Variants in FOSB observed in about 807,000 individuals in gnomAD.
The protein encoded by FOSB is FosB proto-oncogene, AP-1 transcription factor subunit.
Under a neutral mutation model 31.1 loss-of-function variants are expected in FOSB, and 8 were observed. The ratio of observed to expected loss-of-function variants is 0.26; its 90% CI spans 0.15 to 0.46. The LOEUF is 0.46. Ranked by LOEUF, FOSB falls within the 20% of genes least tolerant of loss-of-function variation. FOSB has a pLI of 0.99. For synonymous variants in FOSB, 214 were observed against 206.1 expected, an observed-to-expected ratio of 1.04 and a Z score of -0.33; for missense variants, 376 against 460.6, an observed-to-expected ratio of 0.82 and a Z score of 1.68.
At position 45,470,644 on chromosome 19, in the gene FOSB, G is replaced by A. The variant is rs749291738; in HGVS notation, c.142G>A (p.Gly48Arg). The change falls in exon 2 of 4, where the codon GGG (glycine) becomes AGG (arginine). Residue 48 changes from glycine (G) to arginine (R), a missense_variant. Around this residue, in one of 3 missense-constraint regions of FOSB, gnomAD observed 193 missense variants for 207.1 expected, o/e 0.93. Coordinates refer to ENST00000353609, the MANE Select transcript of FOSB (RefSeq NM_006732.3). ...CACCCCGTAGGAGTGCGCCGGTCTC[G>A]GGGAAATGCCCGGTTCCTTCGTGCC... ...AAASQECAGL[G>R]EMPGSFVPTV... The A allele has an allele frequency of 5.7e-5, 92 of 1,608,818 alleles. No individual in the cohort carries two copies. The highest frequency in any genetic ancestry group is 6.5e-5 in the Non-Finnish European group (76 of 1,177,832).
At position 45,472,892 on chromosome 19, in the gene FOSB, G is replaced by A; in HGVS notation, c.897G>A (p.Ser299=). The change falls in exon 4 of 4, where the codon TCG becomes TCA. Residue 299 remains serine, a synonymous_variant. Transcript: ENST00000353609. This position sits in a 1 kb window ranked among gnomAD's most constrained non-coding sequence, Gnocchi z 5.4. Reference sequence around the variant, plus strand: ...ACCCCTTCCCCGTTGTTAACCCTTCGTACACTTCTTCGTTTGTCCTCACCT... The same window carrying A: ...ACCCCTTCCCCGTTGTTAACCCTTCATACACTTCTTCGTTTGTCCTCACCT... ...LGDPFPVVNP[S]YTSSFVLTCP... is the part of the protein sequence containing the mutation. The A allele has an allele frequency of 6.2e-7, 1 of 1,614,118 alleles. No individual in the cohort carries two copies. Among genetic ancestry groups the A allele is most frequent in the Non-Finnish European group, 8.5e-7 (1 of 1,180,026 alleles).
chr19:45,470,323 T>A (rs530511067), intron 1 of FOSB: 2 of 390,252 alleles, frequency 5.1e-6, no homozygotes, highest in Non-Finnish European at 9.3e-6. Context: ...CAGCCTCCTC[T>A]CCACCCCCCA....
rs1278106930 is a variant in FOSB, at chr19:45,472,601, C to G, written c.606C>G (p.Ala202=). The change falls in exon 4 of 4, where the codon GCC becomes GCG. Residue 202 remains alanine (A), a synonymous_variant. Coordinates refer to ENST00000353609, the MANE Select transcript of FOSB (RefSeq NM_006732.3). The surrounding 1 kb of genome is among the most constrained non-coding windows in gnomAD (Gnocchi z 5.4). ...EEKAELESEI[A]ELQKEKERLE... ...AAGCAGAGCTGGAGTCGGAGATCGCCGAGCTCCAAAAGGAGAAGGAACGTC... is the reference window on the plus strand; with the variant it reads ...AAGCAGAGCTGGAGTCGGAGATCGCGGAGCTCCAAAAGGAGAAGGAACGTC... 1 of 1,534,994 alleles carries G rather than the reference C, an allele frequency of 6.5e-7. No individual in the cohort carries two copies. Among genetic ancestry groups the G allele is most frequent in the Non-Finnish European group, 8.7e-7 (1 of 1,144,160 alleles).
rs749338989 is a variant in FOSB at position 45,474,977 on chromosome 19, G to A, written c.*1965G>A. 6.6e-6 allele frequency: 1 copy of A among 152,080 alleles called. No homozygotes were observed. The highest frequency in any genetic ancestry group is 1.5e-5 in the Non-Finnish European group (1 of 68,018). 9.4% of individuals were successfully genotyped at this position (152,080 alleles called of 1,614,324 possible). A position where few individuals can be genotyped will look rare whatever the true frequency, so the allele number is the denominator to read the frequency against. Reference sequence around the variant, plus strand: ...ACAATCTGTATCTTTGACAATTCTGGGTGCGAGTGTGAGAGTGTGAGCAGG... The same window carrying A: ...ACAATCTGTATCTTTGACAATTCTGAGTGCGAGTGTGAGAGTGTGAGCAGG... On this transcript the variant is annotated 3_prime_UTR_variant, in exon 4 of 4. Transcript: ENST00000353609.
In FOSB at chr19:45,473,297, C is replaced by T. The variant is rs1435650864; in HGVS notation, c.*285C>T. On this transcript the variant is annotated 3_prime_UTR_variant, in exon 4 of 4. Coordinates refer to ENST00000353609, the MANE Select transcript of FOSB (RefSeq NM_006732.3). ...GGACACCCCCAGCTGACTGTTGGCT[C>T]TCTGACGTCAACCCAAGCTCTGGGG... 3.0e-6 allele frequency: 1 copy of T among 329,386 alleles called. No individual in the cohort carries two copies. The highest frequency in any genetic ancestry group is 5.6e-6 in the Non-Finnish European group (1 of 178,098). 20.4% of individuals were successfully genotyped at this position (329,386 alleles called of 1,614,324 possible). A position where few individuals can be genotyped will look rare whatever the true frequency, so the allele number is the denominator to read the frequency against.
intron 1 of FOSB, among the ~76,000 whole-genome samples, chr19:45,469,264 C>T (rs947693085): frequency 6.6e-6 from 1 of 152,226 alleles, no homozygotes; most frequent in Non-Finnish European, 1.5e-5. Flanking sequence ...TGGAATCCTC[C>T]GTCTGACGCG....
At chr19:45,471,087 G>A (rs1967641693) in intron 2 of FOSB, 107 bp from the exon 3 acceptor site, 4 of 1,347,062 alleles carry the variant, frequency 3.0e-6, no homozygotes, top group Middle Eastern at 1.8e-4. Flanking sequence ...AGCGAGGACC[G>A]GAGGCTTGTT....
chr19:45,470,909 G>A lies in FOSB; in HGVS notation c.407G>A (p.Arg136His). 1 of 1,613,448 alleles carries A rather than the reference G, an allele frequency of 6.2e-7. No individual in the cohort carries two copies. The highest frequency in any genetic ancestry group is 1.1e-5 in the South Asian group (1 of 91,072). The change falls in exon 2 of 4, where the codon CGC (arginine) becomes CAC (histidine). Residue 136 changes from arginine to histidine, a missense_variant. Physicochemically the swap from Arg to His is conservative, Grantham distance 29. This residue lies in a region of FOSB where 193 missense variants were observed against 207.1 expected (regional missense o/e 0.93). Coordinates refer to ENST00000353609, the MANE Select transcript of FOSB (RefSeq NM_006732.3). ...ACTACCAGTGGGCCTGGGCCTGCCC[G>A]CCCAGCCCGAGCCCGGCCTAGGAGA... is the stretch of plus-strand genomic sequence containing the variant. ...SGTTSGPGPA[R>H]PARARPRRPR...
At chr19:45,469,188 A>G (rs1389437135) in intron 1 of FOSB, among the ~76,000 whole-genome samples, 1 of 152,220 alleles carries the variant, frequency 6.6e-6, no homozygotes, top group African/African-American at 2.4e-5. Flanking sequence ...TCGAACCCTC[A>G]GCCGCGCTGC....
chr19:45,470,781 C>T lies in FOSB; in HGVS notation c.279C>T (p.Val93=). The T allele has an allele frequency of 3.1e-6, 5 of 1,613,930 alleles. No individual in the cohort carries two copies. Among genetic ancestry groups the T allele is most frequent in the Non-Finnish European group, 3.4e-6 (4 of 1,180,012 alleles). The change falls in exon 2 of 4, where the codon GTC becomes GTT. Residue 93 remains valine (V), a synonymous_variant. Transcript: ENST00000353609. ...AGCCACTGGCCTCCCAGCCCCCGGT[C>T]GTCGACCCCTACGACATGCCGGGAA... The part of the protein sequence containing the change: ...QGQPLASQPP[V]VDPYDMPGTS...
Position 45,472,916 on chromosome 19 carries a change from C to T in FOSB, c.921C>T (p.Thr307=), listed in dbSNP as rs745901268. 6.2e-7 allele frequency: 1 copy of T among 1,614,164 alleles called. No individual in the cohort carries two copies. Among genetic ancestry groups the T allele is most frequent in the Non-Finnish European group, 8.5e-7 (1 of 1,180,052 alleles). The change falls in exon 4 of 4, where the codon ACC becomes ACT. Residue 307 remains threonine, a synonymous_variant. Transcript: ENST00000353609. The surrounding 1 kb of genome is among the most constrained non-coding windows in gnomAD (Gnocchi z 5.4). The part of the protein sequence containing the change: ...NPSYTSSFVL[T]CPEVSAFAGA... ...CGTACACTTCTTCGTTTGTCCTCAC[C>T]TGCCCGGAGGTCTCCGCGTTCGCCG...
chr19:45,470,934 A>T lies in FOSB; in HGVS notation c.432A>T (p.Arg144Ser). The T allele has an allele frequency of 6.2e-7, 1 of 1,611,326 alleles. No homozygotes were observed. The highest frequency in any genetic ancestry group is 8.5e-7 in the Non-Finnish European group (1 of 1,179,820). Residue 144 changes from arginine (R) to serine (S), a missense_variant, in exon 2 of 4, where the codon AGA (arginine) becomes AGT (serine). Transcript: ENST00000353609. Reference sequence around the variant, plus strand: ...GCCCAGCCCGAGCCCGGCCTAGGAGACCCCGAGAGGAGACGGTGAGTAAGG... The same window carrying T: ...GCCCAGCCCGAGCCCGGCCTAGGAGTCCCCGAGAGGAGACGGTGAGTAAGG... ...PARPARARPR[R>S]PREETLTPEE...
chr19:45,468,519 A>G lies in FOSB; in HGVS notation c.-68A>G. On this transcript the variant is annotated 5_prime_UTR_variant, in exon 1 of 4. Transcript: ENST00000353609. This position sits in a 1 kb window ranked among gnomAD's most constrained non-coding sequence, Gnocchi z 4.8. ...CCCGGACTTGCACCTTACTTCCCCA[A>G]CCCGGCCATAGCCTTGGCTTCCCGG... is the stretch of plus-strand genomic sequence containing the variant. 6.5e-7 allele frequency: 1 copy of G among 1,536,200 alleles called. No individual in the cohort carries two copies. The highest frequency in any genetic ancestry group is 1.4e-5 in the African/African-American group (1 of 71,682).
Position 45,470,861 on chromosome 19 carries a change from G to C in FOSB, c.359G>C (p.Ser120Thr). 6.2e-7 allele frequency: 1 copy of C among 1,614,078 alleles called. No individual in the cohort carries two copies. The highest frequency in any genetic ancestry group is 1.1e-5 in the South Asian group (1 of 91,080). The change falls in exon 2 of 4, where the codon AGT becomes ACT. Residue 120 changes from serine to threonine, a missense_variant. Around this residue, in one of 3 missense-constraint regions of FOSB, gnomAD observed 193 missense variants for 207.1 expected, o/e 0.93. Coordinates refer to ENST00000353609, the MANE Select transcript of FOSB (RefSeq NM_006732.3). ...TACAGCAGTGGCGGAGCGAGTGGCA[G>C]TGGTGGGCCTTCCACCAGCGGAACT... ...SGYSSGGASG[S>T]GGPSTSGTTS...
intron 3 of FOSB, chr19:45,471,725 C>T (rs897042793): frequency 3.7e-5 from 6 of 162,670 alleles, no homozygotes; most frequent in Admixed American, 1.2e-4. Context: ...TGAAATTATT[C>T]CACCTCCTGC....
At position 45,472,657 on chromosome 19, in the gene FOSB, G is replaced by T. The variant is rs749313484; in HGVS notation, c.662G>T (p.Gly221Val). The change falls in exon 4 of 4, where the codon GGC becomes GTC. Residue 221 changes from glycine to valine, a missense_variant. By Grantham distance (109) the Gly-to-Val change is moderately radical. Coordinates refer to ENST00000353609, the MANE Select transcript of FOSB (RefSeq NM_006732.3). The surrounding 1 kb of genome is among the most constrained non-coding windows in gnomAD (Gnocchi z 5.4). Reference protein sequence around the residue: ...LEFVLVAHKPGCKIPYEEGPG... With the variant: ...LEFVLVAHKPVCKIPYEEGPG... ...TTTGTGCTGGTGGCCCACAAACCGGGCTGCAAGATCCCCTACGAAGAGGGG... is the reference window on the plus strand; with the variant it reads ...TTTGTGCTGGTGGCCCACAAACCGGTCTGCAAGATCCCCTACGAAGAGGGG... The T allele has an allele frequency of 3.8e-6, 6 of 1,595,208 alleles. No homozygotes were observed. Among genetic ancestry groups the T allele is most frequent in the African/African-American group, 2.7e-5 (2 of 73,844 alleles).
chr19:45,470,782 G>A lies in FOSB; in HGVS notation c.280G>A (p.Val94Ile). Reference sequence around the variant, plus strand: ...GCCACTGGCCTCCCAGCCCCCGGTCGTCGACCCCTACGACATGCCGGGAAC... The same window carrying A: ...GCCACTGGCCTCCCAGCCCCCGGTCATCGACCCCTACGACATGCCGGGAAC... ...GQPLASQPPV[V>I]DPYDMPGTSY... Residue 94 changes from valine (V) to isoleucine (I), a missense_variant, in exon 2 of 4, where the codon GTC becomes ATC. This residue lies in a region of FOSB where 193 missense variants were observed against 207.1 expected (regional missense o/e 0.93). Coordinates refer to ENST00000353609, the MANE Select transcript of FOSB (RefSeq NM_006732.3). 2 of 1,613,884 alleles carry A rather than the reference G, an allele frequency of 1.2e-6. No homozygotes were observed. Among genetic ancestry groups the A allele is most frequent in the South Asian group, 2.2e-5 (2 of 91,076 alleles).
rs756849216 is a variant in FOSB at position 45,472,513 on chromosome 19, C to CCA, written c.556-37_556-36insAC. The CCA allele has an allele frequency of 9.0e-6, 13 of 1,446,002 alleles. No individual in the cohort carries two copies. Among genetic ancestry groups the CCA allele is most frequent in the Non-Finnish European group, 1.2e-5 (13 of 1,088,176 alleles). 89.6% of individuals were successfully genotyped at this position (1,446,002 alleles called of 1,614,324 possible). A position where few individuals can be genotyped will look rare whatever the true frequency, so the allele number is the denominator to read the frequency against. On this transcript the variant is annotated intron_variant, in intron 3 of 3. Transcript: ENST00000353609. The surrounding 1 kb of genome is among the most constrained non-coding windows in gnomAD (Gnocchi z 5.4). ...GTCACTGACATGCTTTTTTCTCCTTCCTCTCTCTCTTCTGTGACCTGGCCT... is the reference window on the plus strand; with the variant it reads ...GTCACTGACATGCTTTTTTCTCCTTCCACTCTCTCTCTTCTGTGACCTGGCCT...
intron 2 of FOSB, 49 bp from the exon 3 acceptor site, chr19:45,471,145 G>A: frequency 6.8e-7 from 1 of 1,479,606 alleles, no homozygotes; most frequent in African/African-American, 1.4e-5. Context: ...GGGATGGGTG[G>A]AGGAGTGCTG....
Sources: allele counts gnomAD v4.1 joint callset (sites outside exome capture counted in the v4.1 genomes callset), GRCh38; gene constraint gnomAD v4.1.1; regional missense constraint gnomAD v4.1.1; non-coding constraint Gnocchi (gnomAD v3.1); transcripts MANE v1.5; gene names NCBI Gene and HGNC (gene_info 2026-07-23, HGNC 2026-07-21).